Variants in DPYD observed in about 807,000 individuals in gnomAD.
DPYD encodes the protein dihydropyrimidine dehydrogenase, also known as dihydropyrimidine dehydrogenase [NADP(+)].
A neutral mutation model predicts 116.2 loss-of-function variants in DPYD; 109 were observed. That is an observed-to-expected ratio of 0.94 (90% confidence interval 0.80 to 1.10). The LOEUF is 1.10. DPYD is among the 50% of genes least tolerant of loss of function. The pLI is 0.00. For synonymous variants in DPYD, 440 were observed against 432.0 expected (o/e 1.02, Z -0.23); for missense variants, 1,302 against 1,254.5 (o/e 1.04, Z -0.57).
intron 6 of DPYD, among the ~76,000 whole-genome samples, chr1:97,698,209 C>T (rs1327381554): frequency 6.6e-6 from 1 of 151,472 alleles, no homozygotes; most frequent in African/African-American, 2.4e-5. Context: ...TGTTTCATGC[C>T]CACACTAAAG....
At chr1:97,244,379 A>C (rs1197673875) in intron 18 of DPYD, among the ~76,000 whole-genome samples, 1 of 152,048 alleles carries the variant, frequency 6.6e-6, no homozygotes, top group Non-Finnish European at 1.5e-5. Flanking sequence ...ATGTTTAAAC[A>C]ATTACCCGAC....
In DPYD at chr1:97,323,363, T is replaced by TATATATAC. The variant is rs1316377726; in HGVS notation, c.2059-17067_2059-17066insGTATATAT. ...ATATATACATGTGTATATGTACACGTATGTATACATGTGTATATGTACACG... is the reference window on the plus strand; with the variant it reads ...ATATATACATGTGTATATGTACACGTATATATACATGTATACATGTGTATATGTACACG... On this transcript the variant is annotated intron_variant, in intron 16 of 22. Transcript: ENST00000370192. Among the ~76,000 whole-genome samples, 72 of 121,432 alleles carry TATATATAC rather than the reference T, an allele frequency of 5.9e-4. 16 individuals are homozygous for TATATATAC. In the East Asian group the frequency reaches 0.012, roughly 21 times the overall value. 79.7% of individuals were successfully genotyped at this position (121,432 alleles called of 152,430 possible). A position where few individuals can be genotyped will look rare whatever the true frequency, so the allele number is the denominator to read the frequency against.
At chr1:97,647,448 G>A (rs931648357) in intron 8 of DPYD, among the ~76,000 whole-genome samples, 1 of 151,808 alleles carries the variant, frequency 6.6e-6, no homozygotes, top group Non-Finnish European at 1.5e-5. Flanking sequence ...AACAATAACA[G>A]AACCAGTATA....
intron 16 of DPYD, among the ~76,000 whole-genome samples, chr1:97,362,297 A>T (rs1288233757): frequency 6.6e-6 from 1 of 152,230 alleles, no homozygotes; most frequent in Non-Finnish European, 1.5e-5. Flanking sequence ...TCAATGAAAT[A>T]AAAGAGGACA....
chr1:97,803,876 AGT>A (rs1557974020), intron 3 of DPYD, among the ~76,000 whole-genome samples: 1 of 151,866 alleles, frequency 6.6e-6, no homozygotes, highest in African/African-American at 2.4e-5. Flanking sequence ...ATGAATTTAA[AGT>A]GTTAATTCAG....
At chr1:97,847,170 ACTGT>A (rs904445383) in intron 2 of DPYD, among the ~76,000 whole-genome samples, 2 of 152,216 alleles carry the variant, frequency 1.3e-5, no homozygotes, top group Non-Finnish European at 2.9e-5. Flanking sequence ...CCTCAAAATA[ACTGT>A]CTTTCTTCCC....
At chr1:97,111,374 TC>T (rs1651585016) in intron 20 of DPYD, among the ~76,000 whole-genome samples, 1 of 152,088 alleles carries the variant, frequency 6.6e-6, no homozygotes. Context: ...GCCCACCTCT[TC>T]AATATATTTT....
chr1:97,123,696 A>G (rs554459133), intron 20 of DPYD, among the ~76,000 whole-genome samples: 71 of 152,180 alleles, frequency 4.7e-4, no homozygotes, highest in Non-Finnish European at 2.9e-4. Context: ...ATGCATATCA[A>G]CATTTACTTT....
At chr1:97,659,936 G>A (rs1659157570) in intron 8 of DPYD, among the ~76,000 whole-genome samples, 1 of 152,094 alleles carries the variant, frequency 6.6e-6, no homozygotes, top group South Asian at 2.1e-4. Flanking sequence ...TATGCTTACA[G>A]GTGAATTCAT....
At chr1:97,800,287 A>G (rs13375850) in intron 3 of DPYD, among the ~76,000 whole-genome samples, 2,682 of 152,000 alleles carry the variant, frequency 0.018, 91 homozygotes, top group African/African-American at 0.061. Flanking sequence ...ATTTACTTCA[A>G]GTTTTTACTG....
intron 2 of DPYD, among the ~76,000 whole-genome samples, chr1:97,831,488 C>A (rs892351240): frequency 3.3e-5 from 5 of 152,108 alleles, no homozygotes. Flanking sequence ...ACAAGTTATT[C>A]ATTCTTGGGG....
intron 3 of DPYD, among the ~76,000 whole-genome samples, chr1:97,813,954 ACC>A (rs1000244686): frequency 2.3e-5 from 3 of 129,842 alleles, no homozygotes; most frequent in African/African-American, 8.7e-5. Flanking sequence ...ACACACACAC[ACC>A]CCTAAAATTT....
chr1:97,630,002 T>C (rs942903032), intron 8 of DPYD, among the ~76,000 whole-genome samples: 1 of 152,052 alleles, frequency 6.6e-6, no homozygotes, highest in Non-Finnish European at 1.5e-5. Context: ...CTCAGTCTTA[T>C]TGTCTGGATA....
At chr1:97,301,359 A>G (rs1666850781) in intron 18 of DPYD, among the ~76,000 whole-genome samples, 1 of 152,088 alleles carries the variant, frequency 6.6e-6, no homozygotes. Flanking sequence ...GAAGTTAAGA[A>G]CAAGAATTTC....
intron 14 of DPYD, among the ~76,000 whole-genome samples, chr1:97,411,948 C>T (rs537480921): frequency 1.3e-5 from 2 of 152,168 alleles, no homozygotes; most frequent in Admixed American, 6.5e-5. Context: ...ATTCAAAAGG[C>T]AATGTGATCT....
intron 8 of DPYD, among the ~76,000 whole-genome samples, chr1:97,658,146 C>T (rs963710223): frequency 1.3e-4 from 20 of 152,210 alleles, no homozygotes; most frequent in Non-Finnish European, 2.6e-4. Context: ...AATTCAATGG[C>T]TGTTAATGCT....
chr1:97,891,573 A>C (rs1426250426), intron 1 of DPYD, among the ~76,000 whole-genome samples: 1 of 151,860 alleles, frequency 6.6e-6, no homozygotes, highest in Admixed American at 6.6e-5. Context: ...AAGCAGTGGA[A>C]TGCGGAAACA....
intron 20 of DPYD, among the ~76,000 whole-genome samples, chr1:97,134,010 AAAAAATATATATATAT>A (rs1653556769): frequency 8.1e-5 from 3 of 36,980 alleles, no homozygotes; most frequent in African/African-American, 1.4e-4. Context: ...AAAAAAAAAA[AAAAAATATATATATAT>A]ATATATATAT....
intron 21 of DPYD, among the ~76,000 whole-genome samples, chr1:97,097,743 A>G (rs1650368838): frequency 6.6e-6 from 1 of 152,132 alleles, no homozygotes; most frequent in South Asian, 2.1e-4. Context: ...AGAACTAAAT[A>G]CAACACACAC....
Sources: allele counts gnomAD v4.1 joint callset (sites outside exome capture counted in the v4.1 genomes callset), GRCh38; gene constraint gnomAD v4.1.1; transcripts MANE v1.5; gene names NCBI Gene and HGNC (gene_info 2026-07-23, HGNC 2026-07-21).